Variants in CELSR3 observed in about 807,000 individuals in gnomAD.
CELSR3 encodes EGF-like protein 1.
CELSR3 carries 73 observed loss-of-function variants against 270.0 expected under a neutral mutation model. The ratio of observed to expected loss-of-function variants is 0.27; its 90% CI spans 0.22 to 0.33. The LOEUF (loss-of-function observed/expected upper bound fraction) is 0.33, where lower values mean the gene tolerates loss of function less well. CELSR3 is among the 10% of genes least tolerant of loss of function. The pLI is 1.00. For synonymous variants in CELSR3, 1,780 were observed against 1,905.4 expected (o/e 0.93, Z 1.71); for missense variants, 3,614 against 4,533.8 (o/e 0.80, Z 5.83).
In CELSR3 at chr3:48,655,163, G is replaced by A; in HGVS notation, c.4869C>T (p.Ser1623=). 1.2e-6 allele frequency: 2 copies of A among 1,613,962 alleles called. No individual in the cohort carries two copies. Among genetic ancestry groups the A allele is most frequent in the Non-Finnish European group, 1.7e-6 (2 of 1,179,938 alleles). Residue 1623 remains serine (S), a synonymous_variant, in exon 6 of 35, where the codon TCC becomes TCT. Transcript: ENST00000164024. The surrounding 1 kb of genome is among the most constrained non-coding windows in gnomAD (Gnocchi z 5.8). ...CGCTTAGCACAGCCACCTTGTCCTTGGAGGGGCCCTGTGCACCCCCTAGGG... is the reference window on the plus strand; with the variant it reads ...CGCTTAGCACAGCCACCTTGTCCTTAGAGGGGCCCTGTGCACCCCCTAGGG... ...TDALGGAQGP[S]KDKVAVLSVD...
chr3:48,656,133 C>T lies in CELSR3; in HGVS notation c.4625+7G>A. 2 of 1,534,698 alleles carry T rather than the reference C, an allele frequency of 1.3e-6. No homozygotes were observed. The highest frequency in any genetic ancestry group is 1.7e-6 in the Non-Finnish European group (2 of 1,146,298). On this transcript the variant is annotated splice_region_variant and intron_variant, in intron 3 of 34. Coordinates refer to ENST00000164024, the MANE Select transcript of CELSR3 (RefSeq NM_001407.3). ...GGGAGGCGCTCAGACACGGGGCGGG[C>T]ACCTACGAGAGGGACAGCGTAAGGT...
Position 48,651,710 on chromosome 3 carries a change from C to T in CELSR3, c.5932G>A (p.Gly1978Ser), listed in dbSNP as rs1319650091. The T allele has an allele frequency of 1.7e-5, 26 of 1,548,134 alleles. No homozygotes were observed. Among genetic ancestry groups the T allele is most frequent in the South Asian group, 3.7e-5 (3 of 80,024 alleles). The change falls in exon 13 of 35, where the codon GGC becomes AGC. Residue 1978 changes from glycine (G) to serine (S), a missense_variant. Physicochemically the swap from Gly to Ser is moderately conservative, Grantham distance 56 (BLOSUM62 0). Transcript: ENST00000164024. This position sits in a 1 kb window ranked among gnomAD's most constrained non-coding sequence, Gnocchi z 7.4. ...AGGCAGGCATCCACACAGCCTGGGC[C>T]GTAGTAACCTGCAGATTGGGTCAGA... ...FSCTCQPGYY[G>S]PGCVDACLLN...
In CELSR3 at chr3:48,654,334, G is replaced by A; in HGVS notation, c.5107C>T (p.Arg1703Ter). ...GCGACAAAAGCCGCCATGTCCACTC[G>A]GCGGCCATCAATGTGCAGGTCCCGC... ...CMRDLHIDGRRVDMAAFVANN... is the reference protein window; with the variant it reads ...CMRDLHIDGR The change falls in exon 7 of 35, where the codon CGA (arginine) becomes TGA (stop). Residue 1703 changes from arginine to a stop codon, truncating the protein, a stop_gained. Coordinates refer to ENST00000164024, the MANE Select transcript of CELSR3 (RefSeq NM_001407.3). LOFTEE classifies it high-confidence loss of function. The surrounding 1 kb of genome is among the most constrained non-coding windows in gnomAD (Gnocchi z 5.4). The A allele has an allele frequency of 6.2e-7, 1 of 1,614,022 alleles. No homozygotes were observed. Among genetic ancestry groups the A allele is most frequent in the Non-Finnish European group, 8.5e-7 (1 of 1,180,042 alleles).
rs775646965 is a variant in CELSR3, at chr3:48,644,264, C to T, written c.8117G>A (p.Arg2706His). Residue 2706 changes from arginine to histidine, a missense_variant, in exon 27 of 35, where the codon CGC becomes CAC. By Grantham distance (29) the Arg-to-His change is conservative (BLOSUM62 0). Coordinates refer to ENST00000164024, the MANE Select transcript of CELSR3 (RefSeq NM_001407.3). The surrounding 1 kb of genome is among the most constrained non-coding windows in gnomAD (Gnocchi z 4.8). ...MNGTMFLLAA[R>H]TSCSTGQREA... ...CCTCTGCCCTGTGGAGCAGGATGTG[C>T]GGGCAGCGAGGAGAAACATGGTCCC... 7.4e-5 allele frequency: 119 copies of T among 1,612,968 alleles called. No homozygotes were observed. The highest frequency in any genetic ancestry group is 9.4e-5 in the Non-Finnish European group (111 of 1,179,912).
Position 48,650,677 on chromosome 3 carries a change from G to A in CELSR3, c.6371-96C>T. On this transcript the variant is annotated intron_variant, in intron 15 of 34. Coordinates refer to ENST00000164024, the MANE Select transcript of CELSR3 (RefSeq NM_001407.3). The surrounding 1 kb of genome is among the most constrained non-coding windows in gnomAD (Gnocchi z 5.1). ...TCCACCACCCCCCACAAGGCCCACT[G>A]CCCGCCACTCCTGCTGGCTTCTCAG... The A allele has an allele frequency of 9.0e-7, 1 of 1,105,612 alleles. No individual in the cohort carries two copies. The highest frequency in any genetic ancestry group is 1.3e-6 in the Non-Finnish European group (1 of 774,486). 68.5% of individuals were successfully genotyped at this position (1,105,612 alleles called of 1,614,324 possible).
rs950824575 is a variant in CELSR3, at chr3:48,640,782, A to G, written c.9026-223T>C. The G allele has an allele frequency of 5.7e-5, 16 of 283,164 alleles. No individual in the cohort carries two copies. Among genetic ancestry groups the G allele is most frequent in the Non-Finnish European group, 8.8e-5 (13 of 147,070 alleles). 17.5% of individuals were successfully genotyped at this position (283,164 alleles called of 1,614,324 possible). ...CATCTTCCAGTTGTGGTCCCGGGGCAGGGGGAGGGCGGGCAGGTCTCATGG... is the reference window on the plus strand; with the variant it reads ...CATCTTCCAGTTGTGGTCCCGGGGCGGGGGGAGGGCGGGCAGGTCTCATGG... On this transcript the variant is annotated intron_variant, in intron 33 of 34. Transcript: ENST00000164024. This position sits in a 1 kb window ranked among gnomAD's most constrained non-coding sequence, Gnocchi z 7.5.
rs762643722 is a variant in CELSR3 at position 48,655,902 on chromosome 3, AC to A, written c.4626-52del. 8.1e-6 allele frequency: 11 copies of A among 1,350,698 alleles called. No homozygotes were observed. The allele number at this position is 1,350,698 out of a possible 1,614,324, so 83.7% of individuals were successfully genotyped here. A position where few individuals can be genotyped will look rare whatever the true frequency, so the allele number is the denominator to read the frequency against. On this transcript the variant is annotated intron_variant, in intron 3 of 34. Coordinates refer to ENST00000164024, the MANE Select transcript of CELSR3 (RefSeq NM_001407.3). The surrounding 1 kb of genome is among the most constrained non-coding windows in gnomAD (Gnocchi z 5.8). ...GGGGTGGGAGCGTCAGGAGCAGGGT[AC>A]CACTTCACACCCACCATCCCTGCGA...
chr3:48,643,699 A>T lies in CELSR3; in HGVS notation c.8166-22T>A, dbSNP rs545319987. 20 of 1,551,148 alleles carry T rather than the reference A, an allele frequency of 1.3e-5. No homozygotes were observed. The East Asian group carries it at 1.5e-4, about 11-fold the overall frequency. ...GGTCCTGCTGTGGGGACATGGGAAG[A>T]CACAGGAGGACATGCAAGGCTCATG... On this transcript the variant is annotated intron_variant, in intron 27 of 34. Coordinates refer to ENST00000164024, the MANE Select transcript of CELSR3 (RefSeq NM_001407.3).
chr3:48,646,264 A>G lies in CELSR3; in HGVS notation c.7296-7T>C. 1 of 1,607,986 alleles carries G rather than the reference A, an allele frequency of 6.2e-7. No homozygotes were observed. Among genetic ancestry groups the G allele is most frequent in the Non-Finnish European group, 8.5e-7 (1 of 1,176,722 alleles). ...GACGGGGTTCTGAGGAAGCCTGGGGAGACACCCATCTGGGCTTACGCACTG... is the reference window on the plus strand; with the variant it reads ...GACGGGGTTCTGAGGAAGCCTGGGGGGACACCCATCTGGGCTTACGCACTG... On this transcript the variant is annotated splice_polypyrimidine_tract_variant and splice_region_variant and intron_variant, in intron 21 of 34. Coordinates refer to ENST00000164024, the MANE Select transcript of CELSR3 (RefSeq NM_001407.3). This position sits in a 1 kb window ranked among gnomAD's most constrained non-coding sequence, Gnocchi z 4.8.
chr3:48,637,044 G>C lies in CELSR3; in HGVS notation c.*1161C>G, dbSNP rs1246928422. 3.9e-5 allele frequency: 6 copies of C among 152,506 alleles called. No individual in the cohort carries two copies. Among genetic ancestry groups the C allele is most frequent in the African/African-American group, 7.2e-5 (3 of 41,446 alleles). 9.4% of individuals were successfully genotyped at this position (152,506 alleles called of 1,614,324 possible). ...AACAAAGTGTAAAACTCAAAGTTTT[G>C]AGTTGTAAACAAAGTAAAAACATTT... is the stretch of plus-strand genomic sequence containing the variant. On this transcript the variant is annotated 3_prime_UTR_variant, in exon 35 of 35. Transcript: ENST00000164024.
chr3:48,654,976 G>A lies in CELSR3; in HGVS notation c.4988+68C>T, dbSNP rs1391594411. ...AGTTTGGCAGGATGGGATGAGGAATGGGATGTGAAGGGTTGGAGTGGGCTT... is the reference window on the plus strand; with the variant it reads ...AGTTTGGCAGGATGGGATGAGGAATAGGATGTGAAGGGTTGGAGTGGGCTT... On this transcript the variant is annotated intron_variant, in intron 6 of 34. Coordinates refer to ENST00000164024, the MANE Select transcript of CELSR3 (RefSeq NM_001407.3). This position sits in a 1 kb window ranked among gnomAD's most constrained non-coding sequence, Gnocchi z 5.4. The A allele has an allele frequency of 6.9e-7, 1 of 1,446,656 alleles. No individual in the cohort carries two copies. The highest frequency in any genetic ancestry group is 9.7e-7 in the Non-Finnish European group (1 of 1,029,274). 89.6% of individuals were successfully genotyped at this position (1,446,656 alleles called of 1,614,324 possible). A position where few individuals can be genotyped will look rare whatever the true frequency, so the allele number is the denominator to read the frequency against.
rs768715156 is a variant in CELSR3 at position 48,645,160 on chromosome 3, G to A, written c.7847C>T (p.Thr2616Ile). ...CCCCTGCACGAAGAGCCACGCGAAG[G>A]TGCTGAGGAAGAAGTAGTGCAGGAG... ...AILLHYFFLS[T>I]FAWLFVQGLH... Residue 2616 changes from threonine (T) to isoleucine (I), a missense_variant, in exon 25 of 35, where the codon ACC becomes ATC. By Grantham distance (89) the Thr-to-Ile change is moderately conservative. Around this residue, in one of 7 missense-constraint regions of CELSR3, gnomAD observed 1,240 missense variants for 1,351.7 expected, o/e 0.92. Transcript: ENST00000164024. The surrounding 1 kb of genome is among the most constrained non-coding windows in gnomAD (Gnocchi z 5.4). 6.3e-7 allele frequency: 1 copy of A among 1,595,590 alleles called. No homozygotes were observed. The highest frequency in any genetic ancestry group is 1.1e-5 in the South Asian group (1 of 90,344).
chr3:48,652,122 C>T lies in CELSR3; in HGVS notation c.5752-74G>A, dbSNP rs2047143106. On this transcript the variant is annotated intron_variant, in intron 11 of 34. Coordinates refer to ENST00000164024, the MANE Select transcript of CELSR3 (RefSeq NM_001407.3). The surrounding 1 kb of genome is among the most constrained non-coding windows in gnomAD (Gnocchi z 4.3). ...GCCTCAAGTACTGCAGAGCCAGCCA[C>T]CCGGTCTGATGATCCTTGACATGCA... The T allele has an allele frequency of 2.9e-6, 4 of 1,385,464 alleles. No individual in the cohort carries two copies. In the South Asian group the frequency reaches 4.4e-5, roughly 15 times the overall value. 85.8% of individuals were successfully genotyped at this position (1,385,464 alleles called of 1,614,324 possible).
chr3:48,650,491 C>A lies in CELSR3; in HGVS notation c.6461G>T (p.Arg2154Leu). The A allele has an allele frequency of 6.2e-7, 1 of 1,608,560 alleles. No homozygotes were observed. ...FGVLATVPCP[R>L]GALGAAVRLC... ...CCCCACATACTCACCCAGGGCCCCC[C>A]GGGGACAGGGCACTGTGGCCAGGAC... The change falls in exon 16 of 35, where the codon CGG (arginine) becomes CTG (leucine). Residue 2154 changes from arginine to leucine, a missense_variant. Coordinates refer to ENST00000164024, the MANE Select transcript of CELSR3 (RefSeq NM_001407.3). This position sits in a 1 kb window ranked among gnomAD's most constrained non-coding sequence, Gnocchi z 5.1.
At chr3:48,647,041 G>A (rs1034873813) in intron 20 of CELSR3, 113 bp from the exon 21 acceptor site, 8 of 1,012,256 alleles carry the variant, frequency 7.9e-6, no homozygotes, top group Middle Eastern at 2.1e-4. Context: ...GAGCAGAATT[G>A]GGGAGTGCAG....
Position 48,652,887 on chromosome 3 carries a change from C to T in CELSR3, c.5634+115G>A. On this transcript the variant is annotated intron_variant, in intron 10 of 34. Coordinates refer to ENST00000164024, the MANE Select transcript of CELSR3 (RefSeq NM_001407.3). This position sits in a 1 kb window ranked among gnomAD's most constrained non-coding sequence, Gnocchi z 4.3. ...ATATGGTGGGGAACTAGGGGTAGAA[C>T]ATCAGACTCAGTGCAGTGGAGGGAA... 1.1e-6 allele frequency: 1 copy of T among 896,498 alleles called. No homozygotes were observed. The highest frequency in any genetic ancestry group is 1.5e-5 in the South Asian group (1 of 64,716). The allele number at this position is 896,498 out of a possible 1,614,324, so 55.5% of individuals were successfully genotyped here. A position where few individuals can be genotyped will look rare whatever the true frequency, so the allele number is the denominator to read the frequency against.
rs1405519948 is a variant in CELSR3, at chr3:48,641,492, G to A, written c.8857C>T (p.Pro2953Ser). 1.9e-6 allele frequency: 3 copies of A among 1,612,402 alleles called. No homozygotes were observed. Among genetic ancestry groups the A allele is most frequent in the African/African-American group, 2.7e-5 (2 of 75,034 alleles). The change falls in exon 33 of 35, where the codon CCA becomes TCA. Residue 2953 changes from proline to serine, a missense_variant. This residue lies in a region of CELSR3 where 1,240 missense variants were observed against 1,351.7 expected (regional missense o/e 0.92). Transcript: ENST00000164024. This position sits in a 1 kb window ranked among gnomAD's most constrained non-coding sequence, Gnocchi z 4.8. ...VDGNDLLSYW[P>S]ALGECEAAPC... ...GCTGCCTCGCACTCCCCCAGGGCTGGCCAGTAGGACAGGAGGTCATTGCCA... is the reference window on the plus strand; with the variant it reads ...GCTGCCTCGCACTCCCCCAGGGCTGACCAGTAGGACAGGAGGTCATTGCCA...
In CELSR3 at chr3:48,637,989, A is replaced by G. The variant is rs1370827154; in HGVS notation, c.*216T>C. ...CTCTGGTTACAAAGGTACAAAACGT[A>G]TAAAAGTCTCCCTCCAGTCCCCCGT... On this transcript the variant is annotated 3_prime_UTR_variant, in exon 35 of 35. Coordinates refer to ENST00000164024, the MANE Select transcript of CELSR3 (RefSeq NM_001407.3). 2 of 533,856 alleles carry G rather than the reference A, an allele frequency of 3.7e-6. No individual in the cohort carries two copies. The highest frequency in any genetic ancestry group is 4.5e-4 in the Middle Eastern group (1 of 2,212). 33.1% of individuals were successfully genotyped at this position (533,856 alleles called of 1,614,324 possible).
In CELSR3 at chr3:48,640,454, G is replaced by A; in HGVS notation, c.9131C>T (p.Ala3044Val). Residue 3044 changes from alanine to valine, a missense_variant, in exon 34 of 35, where the codon GCT (alanine) becomes GTT (valine). Physicochemically the swap from Ala to Val is moderately conservative, Grantham distance 64. This residue lies in a region of CELSR3 where 1,240 missense variants were observed against 1,351.7 expected (regional missense o/e 0.92). Transcript: ENST00000164024. This position sits in a 1 kb window ranked among gnomAD's most constrained non-coding sequence, Gnocchi z 7.5. ...AGCATAGATGCGACCGTAAGAGGCAGCTGGCACAGCACGGTGGCCCAAGGT... is the reference window on the plus strand; with the variant it reads ...AGCATAGATGCGACCGTAAGAGGCAACTGGCACAGCACGGTGGCCCAAGGT... Reference protein sequence around the residue: ...AATLGHRAVPAASYGRIYAGG... With the variant: ...AATLGHRAVPVASYGRIYAGG... 6.2e-7 allele frequency: 1 copy of A among 1,612,608 alleles called. No individual in the cohort carries two copies. Among genetic ancestry groups the A allele is most frequent in the Non-Finnish European group, 8.5e-7 (1 of 1,179,944 alleles).
Sources: gnomAD v4.1 joint callset for allele counts on GRCh38, gnomAD v4.1.1 for gene constraint, gnomAD v4.1.1 regional missense constraint, Gnocchi (gnomAD v3.1) non-coding constraint, MANE v1.5 for transcripts, NCBI Gene and HGNC (gene_info 2026-07-23, HGNC 2026-07-21) for gene names.